SCLT1: variants seen among roughly 807,000 people sequenced by gnomAD.
SCLT1 encodes sodium channel-associated protein 1.
SCLT1 carries 78 observed loss-of-function variants against 112.8 expected under a neutral mutation model. The observed-to-expected ratio is 0.69, with a 90% CI of 0.58 to 0.83. The LOEUF is 0.83. SCLT1 is among the 40% of genes least tolerant of loss of function. The probability of loss-of-function intolerance (pLI) is 0.00; values close to 1 mark genes in which losing one functional copy is unlikely to be tolerated. For missense variants in SCLT1, 747 were observed against 770.4 expected (o/e 0.97, Z 0.36); for synonymous variants, 257 against 254.7 (o/e 1.01, Z -0.09).
In SCLT1 at chr4:128,886,578, T is replaced by C. The variant is rs571563778; in HGVS notation, c.2005-2039A>G. ...TTAACTCCAGGGAAGAAATTCCTTTTTGGGTAAGGGAAAAGTGCTGAATAA... is the reference window on the plus strand; with the variant it reads ...TTAACTCCAGGGAAGAAATTCCTTTCTGGGTAAGGGAAAAGTGCTGAATAA... On this transcript the variant is annotated intron_variant, in intron 20 of 20. Coordinates refer to ENST00000281142, the MANE Select transcript of SCLT1 (RefSeq NM_144643.4). 4.7e-4 allele frequency among the ~76,000 whole-genome samples: 71 copies of C among 152,288 alleles called. No homozygotes were observed. The South Asian group carries it at 0.014, about 30-fold the overall frequency.
chr4:129,019,815 G>T (rs942880074), intron 5 of SCLT1, among the ~76,000 whole-genome samples: 49 of 151,996 alleles, frequency 3.2e-4, no homozygotes, highest in African/African-American at 1.2e-3. Context: ...TAATACAAAA[G>T]ATCCTAAAAA....
chr4:128,925,171 A>G (rs1175622724), intron 18 of SCLT1, among the ~76,000 whole-genome samples: 4 of 152,140 alleles, frequency 2.6e-5, no homozygotes. Flanking sequence ...CTTTATGAGA[A>G]ACCCTGAGTC....
chr4:128,931,647 A>C (rs1278918532), intron 18 of SCLT1, among the ~76,000 whole-genome samples: 1 of 152,068 alleles, frequency 6.6e-6, no homozygotes, highest in Non-Finnish European at 1.5e-5. Flanking sequence ...TATTTTTAGT[A>C]GGGACAGGGT....
At position 128,936,555 on chromosome 4, in the gene SCLT1, G is replaced by A. The variant is rs139183771; in HGVS notation, c.1829+100C>T. On this transcript the variant is annotated intron_variant, in intron 18 of 20. Coordinates refer to ENST00000281142, the MANE Select transcript of SCLT1 (RefSeq NM_144643.4). ...TTACTGAAGAAAAAGGTAAGGTCCAGAATTATACATTTTTTAAAAAAGATT... is the reference window on the plus strand; with the variant it reads ...TTACTGAAGAAAAAGGTAAGGTCCAAAATTATACATTTTTTAAAAAAGATT... The A allele has an allele frequency of 1.5e-4, 99 of 649,380 alleles. 1 individual carries two copies. In the African/African-American group the frequency reaches 1.5e-3, roughly 10 times the overall value. The allele number at this position is 649,380 out of a possible 1,614,324, so 40.2% of individuals were successfully genotyped here. A position where few individuals can be genotyped will look rare whatever the true frequency, so the allele number is the denominator to read the frequency against.
chr4:128,917,427 A>G (rs1229678467), intron 18 of SCLT1, among the ~76,000 whole-genome samples: 2 of 152,186 alleles, frequency 1.3e-5, no homozygotes, highest in Non-Finnish European at 2.9e-5. Context: ...GGTTTTAATG[A>G]TCCTGATACT....
At chr4:129,053,557 A>ATTTGTTTT (rs1749041660) in intron 2 of SCLT1, among the ~76,000 whole-genome samples, 1 of 45,218 alleles carries the variant, frequency 2.2e-5, no homozygotes, top group Non-Finnish European at 3.9e-5. Flanking sequence ...GCAATCCCTG[A>ATTTGTTTT]TTTTTTTTTT....
intron 5 of SCLT1, among the ~76,000 whole-genome samples, chr4:129,012,485 G>A (rs950517035): frequency 3.9e-5 from 6 of 152,202 alleles, no homozygotes; most frequent in Admixed American, 3.3e-4. Flanking sequence ...TGAGAAGAAT[G>A]TATATTCTGT....
At chr4:128,946,829 T>C (rs1738208204) in intron 15 of SCLT1, among the ~76,000 whole-genome samples, 1 of 152,206 alleles carries the variant, frequency 6.6e-6, no homozygotes, top group Non-Finnish European at 1.5e-5. Flanking sequence ...ATGATCTAGC[T>C]AGGATGGGGC....
At chr4:128,991,869 C>A (rs1233962885) in intron 9 of SCLT1, among the ~76,000 whole-genome samples, 1 of 151,702 alleles carries the variant, frequency 6.6e-6, no homozygotes, top group African/African-American at 2.4e-5. Flanking sequence ...TATAAGTTAT[C>A]AGATTATTTA....
intron 15 of SCLT1, 110 bp downstream of exon 15, chr4:128,948,386 C>T: frequency 2.4e-6 from 2 of 846,134 alleles, no homozygotes; most frequent in Non-Finnish European, 1.6e-6. Context: ...CTTACCAGGA[C>T]AATACTAACA....
chr4:128,962,160 T>G (rs1739792215), intron 11 of SCLT1, among the ~76,000 whole-genome samples: 1 of 152,216 alleles, frequency 6.6e-6, no homozygotes, highest in African/African-American at 2.4e-5. Context: ...CTATATAAGT[T>G]GAGCATTTAA....
intron 18 of SCLT1, among the ~76,000 whole-genome samples, chr4:128,906,677 A>G (rs996877490): frequency 2.7e-5 from 4 of 148,046 alleles, no homozygotes; most frequent in African/African-American, 1.0e-4. Context: ...CACAACATCT[A>G]TTGTTAAGTG....
At position 128,900,423 on chromosome 4, in the gene SCLT1, G is replaced by T. The variant is rs577325585; in HGVS notation, c.1830-9286C>A. Reference sequence around the variant, plus strand: ...ACAAACCTGAGAAAAACAAGCAATGGGGAAAGGATTCCCTATTTAATAAAT... The same window carrying T: ...ACAAACCTGAGAAAAACAAGCAATGTGGAAAGGATTCCCTATTTAATAAAT... On this transcript the variant is annotated intron_variant, in intron 18 of 20. Coordinates refer to ENST00000281142, the MANE Select transcript of SCLT1 (RefSeq NM_144643.4). Among the ~76,000 whole-genome samples, 849 of 152,186 alleles carry T rather than the reference G, an allele frequency of 5.6e-3. 14 individuals carry two copies. The highest frequency in any genetic ancestry group is 0.019 in the African/African-American group (797 of 41,520).
intron 5 of SCLT1, among the ~76,000 whole-genome samples, chr4:129,004,117 G>C (rs901659464): frequency 1.3e-5 from 2 of 151,736 alleles, no homozygotes; most frequent in Non-Finnish European, 2.9e-5. Context: ...GCATGATTCA[G>C]TTTGTCCTAG....
intron 12 of SCLT1, among the ~76,000 whole-genome samples, chr4:128,958,627 A>G (rs1351335195): frequency 6.6e-6 from 1 of 152,136 alleles, no homozygotes; most frequent in Non-Finnish European, 1.5e-5. Flanking sequence ...CAGAGGGTAG[A>G]GATAAAAATT....
At chr4:129,084,063 G>A (rs1224494073) in intron 1 of SCLT1, among the ~76,000 whole-genome samples, 5 of 152,242 alleles carry the variant, frequency 3.3e-5, no homozygotes, top group South Asian at 2.1e-4. Context: ...GAATGCTTAC[G>A]TAAAATACAC....
intron 1 of SCLT1, among the ~76,000 whole-genome samples, chr4:129,092,307 G>A (rs994672908): frequency 6.6e-6 from 1 of 152,038 alleles, no homozygotes; most frequent in African/African-American, 2.4e-5. Flanking sequence ...CAAACCAGCC[G>A]TATTGCAAGT....
chr4:129,075,580 T>C (rs989777356), intron 2 of SCLT1, among the ~76,000 whole-genome samples: 1 of 152,182 alleles, frequency 6.6e-6, no homozygotes, highest in African/African-American at 2.4e-5. Context: ...ATTTTATTCA[T>C]TTAATATGAA....
intron 18 of SCLT1, among the ~76,000 whole-genome samples, chr4:128,912,352 G>A (rs574266814): frequency 1.3e-5 from 2 of 152,116 alleles, no homozygotes; most frequent in South Asian, 4.2e-4. Context: ...GCTCAATATG[G>A]ATGCTATTGT....
Sources: gnomAD v4.1 joint callset for allele counts (sites outside exome capture counted in the v4.1 genomes callset) on GRCh38, gnomAD v4.1.1 for gene constraint, MANE v1.5 for transcripts, NCBI Gene and HGNC (gene_info 2026-07-23, HGNC 2026-07-21) for gene names.